Variants in CD33 observed in about 807,000 individuals in gnomAD.
The protein encoded by CD33 is myeloid cell surface antigen CD33.
A neutral mutation model predicts 31.4 loss-of-function variants in CD33; 25 were observed. The observed-to-expected ratio is 0.80, with a 90% CI of 0.58 to 1.11. CD33 has a LOEUF of 1.11. Among genes scored for constraint, CD33 ranks in the 50% most tolerant of loss-of-function variants. CD33 has a pLI of 0.00. For missense variants in CD33, 407 were observed against 448.1 expected, an observed-to-expected ratio of 0.91 and a Z score of 0.83; for synonymous variants, 176 against 180.6, an observed-to-expected ratio of 0.97 and a Z score of 0.20.
At chr19:51,216,223 AGTGTGTGTGTGTGTGTGTGT>A in the CD33 span, among the ~76,000 whole-genome samples, 3 of 128,406 alleles carry the variant, frequency 2.3e-5, no homozygotes, top group African/African-American at 8.3e-5. Context: ...ATGTCACCCG[AGTGTGTGTGTGTGTGTGTGT>A]GTGTGTGTGT....
intron 4 of CD33, among the ~76,000 whole-genome samples, chr19:51,232,707 A>G (rs1981506626): frequency 6.6e-6 from 1 of 151,844 alleles, no homozygotes; most frequent in Admixed American, 6.6e-5. Context: ...GCGGTTTTTT[A>G]TTTCATTTAT....
At position 51,225,526 on chromosome 19, in the gene CD33, T is replaced by C. The variant is rs765512764; in HGVS notation, c.346T>C (p.Tyr116His). 1.3e-5 allele frequency: 21 copies of C among 1,605,602 alleles called. No homozygotes were observed. Among genetic ancestry groups the C allele is most frequent in the Non-Finnish European group, 1.7e-5 (20 of 1,175,800 alleles). ...CGCCAGGAGGAGGGATAATGGTTCATACTTCTTTCGGATGGAGAGAGGAAG... is the reference window on the plus strand; with the variant it reads ...CGCCAGGAGGAGGGATAATGGTTCACACTTCTTTCGGATGGAGAGAGGAAG... Reference protein sequence around the residue: ...VDARRRDNGSYFFRMERGSTK... With the variant: ...VDARRRDNGSHFFRMERGSTK... Residue 116 changes from tyrosine (Y) to histidine (H), a missense_variant, in exon 2 of 7, where the codon TAC becomes CAC. Tyr to His is a moderately conservative substitution (Grantham distance 83, BLOSUM62 2). Transcript: ENST00000262262.
Position 51,225,380 on chromosome 19 carries a change from T to C in CD33, c.200T>C (p.Ile67Thr), listed in dbSNP as rs768633352. Reference protein sequence around the residue: ...HGYWFREGAIISRDSPVATNK... With the variant: ...HGYWFREGAITSRDSPVATNK... ...TACTGGTTCCGGGAAGGAGCCATTATATCCAGGGACTCTCCAGTGGCCACA... is the reference window on the plus strand; with the variant it reads ...TACTGGTTCCGGGAAGGAGCCATTACATCCAGGGACTCTCCAGTGGCCACA... Residue 67 changes from isoleucine to threonine, a missense_variant, in exon 2 of 7, where the codon ATA becomes ACA. By Grantham distance (89) the Ile-to-Thr change is moderately conservative. Coordinates refer to ENST00000262262, the MANE Select transcript of CD33 (RefSeq NM_001772.4). The C allele has an allele frequency of 1.1e-5, 18 of 1,614,200 alleles. No homozygotes were observed. Among genetic ancestry groups the C allele is most frequent in the Non-Finnish European group, 1.5e-5 (18 of 1,180,040 alleles).
chr19:51,233,580 C>T (rs530591532), intron 4 of CD33, among the ~76,000 whole-genome samples: 1 of 152,330 alleles, frequency 6.6e-6, no homozygotes, highest in African/African-American at 2.4e-5. Flanking sequence ...TAGCAGCTTG[C>T]CCGCAGGGGC....
chr19:51,239,647 A>C lies in CD33; in HGVS notation c.1054A>C (p.Lys352Gln). 1 of 1,613,532 alleles carries C rather than the reference A, an allele frequency of 6.2e-7. No individual in the cohort carries two copies. The highest frequency in any genetic ancestry group is 1.1e-5 in the South Asian group (1 of 90,958). ...CAACTTTCATGGGATGAATCCTTCC[A>C]AGGACACCTCCACCGAATACTCAGA... Reference protein sequence around the residue: ...SLNFHGMNPSKDTSTEYSEVR... With the variant: ...SLNFHGMNPSQDTSTEYSEVR... Residue 352 changes from lysine (K) to glutamine (Q), a missense_variant, in exon 7 of 7, where the codon AAG becomes CAG. Transcript: ENST00000262262.
intron 4 of CD33, 137 bp downstream of exon 4, chr19:51,226,493 A>G (rs1981046805): frequency 1.4e-6 from 1 of 694,372 alleles, no homozygotes; most frequent in Non-Finnish European, 2.5e-6. Context: ...GGCACCTTGG[A>G]AAAGGATATT....
chr19:51,233,934 C>T (rs1430401554), intron 4 of CD33, among the ~76,000 whole-genome samples: 1 of 152,194 alleles, frequency 6.6e-6, no homozygotes, highest in Admixed American at 6.5e-5. Flanking sequence ...CCACTCAAAT[C>T]TTTGCTGTGG....
At chr19:51,233,040 A>G (rs1382135885) in intron 4 of CD33, among the ~76,000 whole-genome samples, 1 of 152,200 alleles carries the variant, frequency 6.6e-6, no homozygotes, top group African/African-American at 2.4e-5. Flanking sequence ...GCTGTTTCTC[A>G]GGCCTGGAAT....
At chr19:51,213,891 G>T in the CD33 span, among the ~76,000 whole-genome samples, 1 of 123,950 alleles carries the variant, frequency 8.1e-6, no homozygotes, top group African/African-American at 3.2e-5. Flanking sequence ...ATAGGGTCTC[G>T]CTCTGTCGCC....
upstream of CD33, among the ~76,000 whole-genome samples, chr19:51,220,512 C>A (rs1599862496): frequency 6.6e-6 from 1 of 152,314 alleles, no homozygotes; most frequent in Admixed American, 6.5e-5. Context: ...GGCCTCGCCT[C>A]CTTCTGTGTA....
At chr19:51,211,552 A>G in the CD33 span, 1 of 1,519,788 alleles carries the variant, frequency 6.6e-7, no homozygotes, top group Non-Finnish European at 8.8e-7. Context: ...TACCAAACAC[A>G]GTTACAAATC....
Position 51,239,631 on chromosome 19 carries a change from T to A in CD33, c.1038T>A (p.His346Gln). The A allele has an allele frequency of 6.2e-7, 1 of 1,613,778 alleles. No homozygotes were observed. Among genetic ancestry groups the A allele is most frequent in the South Asian group, 1.1e-5 (1 of 90,976 alleles). The change falls in exon 7 of 7, where the codon CAT becomes CAA. Residue 346 changes from histidine to glutamine, a missense_variant. By Grantham distance (24) the His-to-Gln change is conservative (BLOSUM62 0). Transcript: ENST00000262262. The part of the protein sequence containing the change: ...EELHYASLNF[H>Q]GMNPSKDTST... ...TGCATTATGCTTCCCTCAACTTTCA[T>A]GGGATGAATCCTTCCAAGGACACCT...
At position 51,225,296 on chromosome 19, in the gene CD33, T is replaced by C. The variant is rs1377439396; in HGVS notation, c.116T>C (p.Val39Ala). ...GTACAGGAGGGTTTGTGCGTCCTCG[T>C]GCCCTGCACTTTCTTCCATCCCATA... ...VTVQEGLCVL[V>A]PCTFFHPIPY... The change falls in exon 2 of 7, where the codon GTG becomes GCG. Residue 39 changes from valine to alanine, a missense_variant. Val to Ala is a moderately conservative substitution (Grantham distance 64). Coordinates refer to ENST00000262262, the MANE Select transcript of CD33 (RefSeq NM_001772.4). 3 of 1,614,066 alleles carry C rather than the reference T, an allele frequency of 1.9e-6. No individual in the cohort carries two copies. The highest frequency in any genetic ancestry group is 2.5e-6 in the Non-Finnish European group (3 of 1,180,024).
the CD33 span, among the ~76,000 whole-genome samples, chr19:51,213,101 T>G: frequency 6.6e-6 from 1 of 152,284 alleles, no homozygotes; most frequent in South Asian, 2.1e-4. Flanking sequence ...TGGCAAAATT[T>G]TTCTCAATCA....
chr19:51,236,660 G>A (rs1481423382), intron 6 of CD33: 1 of 152,256 alleles, frequency 6.6e-6, no homozygotes, highest in Non-Finnish European at 1.5e-5. Context: ...TACTTCTCCT[G>A]ATGGGTTCTC....
chr19:51,236,889 A>C (rs905262536), intron 6 of CD33: 1 of 152,078 alleles, frequency 6.6e-6, no homozygotes, highest in African/African-American at 2.4e-5. Flanking sequence ...CATTAGCATC[A>C]CCTCCCTAAA....
At chr19:51,219,471 G>A in the CD33 span, among the ~76,000 whole-genome samples, 5 of 152,262 alleles carry the variant, frequency 3.3e-5, no homozygotes, top group African/African-American at 1.2e-4. Flanking sequence ...AGCAAACAGA[G>A]ATAATTTGAC....
upstream of CD33, among the ~76,000 whole-genome samples, chr19:51,221,511 G>C (rs374524640): frequency 6.6e-6 from 1 of 152,242 alleles, no homozygotes; most frequent in East Asian, 1.9e-4. Context: ...TGTTAACAAG[G>C]ATGTGAAACA....
At chr19:51,236,028 G>GA in intron 6 of CD33, 1 of 561,722 alleles carries the variant, frequency 1.8e-6, no homozygotes, top group Non-Finnish European at 3.2e-6. Flanking sequence ...TGTGGTGGCT[G>GA]GCGCCTGTAG....
Sources: gnomAD v4.1 joint callset for allele counts (sites outside exome capture counted in the v4.1 genomes callset) on GRCh38, gnomAD v4.1.1 for gene constraint, MANE v1.5 for transcripts, NCBI Gene and HGNC (gene_info 2026-07-23, HGNC 2026-07-21) for gene names.